The following TBC1D22A variants were observed in gnomAD, a reference collection of about 807,000 sequenced individuals.
TBC1D22A encodes the protein TBC1 domain family member 22A.
A neutral mutation model predicts 60.2 loss-of-function variants in TBC1D22A; 38 were observed. The ratio of observed to expected loss-of-function variants is 0.63; its 90% CI spans 0.49 to 0.83. The LOEUF is 0.83. Ranked by LOEUF, TBC1D22A falls within the 40% of genes least tolerant of loss-of-function variation. TBC1D22A has a pLI of 0.00. For missense variants in TBC1D22A, 628 were observed against 701.0 expected, an observed-to-expected ratio of 0.90 and a Z score of 1.18; for synonymous variants, 302 against 281.7, an observed-to-expected ratio of 1.07 and a Z score of -0.72.
intron 11 of TBC1D22A, among the ~76,000 whole-genome samples, chr22:47,040,237 G>A (rs547953828): frequency 4.6e-5 from 7 of 152,212 alleles, no homozygotes; most frequent in East Asian, 1.9e-4. Flanking sequence ...GAGCCACCAC[G>A]CCTGGCCGGT....
chr22:47,139,007 C>T (rs1418768261), intron 12 of TBC1D22A, among the ~76,000 whole-genome samples: 1 of 152,206 alleles, frequency 6.6e-6, no homozygotes, highest in African/African-American at 2.4e-5. Flanking sequence ...AGCCGTAGCA[C>T]GTTATTTGGC....
rs570751261 is a variant in TBC1D22A at position 47,039,935 on chromosome 22, C to CTTTTTTTTT, written c.1329+2756_1329+2764dup. Among the ~76,000 whole-genome samples the CTTTTTTTTT allele has an allele frequency of 1.7e-3, 130 of 77,292 alleles. 15 individuals carry two copies. Among genetic ancestry groups the CTTTTTTTTT allele is most frequent in the African/African-American group, 7.8e-3 (124 of 15,930 alleles). The allele number at this position is 77,292 out of a possible 152,430, so 50.7% of individuals were successfully genotyped here. A position where few individuals can be genotyped will look rare whatever the true frequency, so the allele number is the denominator to read the frequency against. On this transcript the variant is annotated intron_variant, in intron 11 of 12. Coordinates refer to ENST00000337137, the MANE Select transcript of TBC1D22A (RefSeq NM_014346.5). ...CAAGGCGTCGGGGAGGTGCCACAGC[C>CTTTTTTTTT]TTTTTTTTTTTTTTTTTTTTTTTTT...
chr22:47,075,371 A>T lies in TBC1D22A; in HGVS notation c.1330-36137A>T, dbSNP rs921723284. The stretch of plus-strand genomic sequence containing the variant: ...CACATGATCCTGAGAACTCCCAGAG[A>T]TGCTGATAGAGCATCAAAAACAGAC... On this transcript the variant is annotated intron_variant, in intron 11 of 12. Coordinates refer to ENST00000337137, the MANE Select transcript of TBC1D22A (RefSeq NM_014346.5). Among the ~76,000 whole-genome samples, 8 of 152,098 alleles carry T rather than the reference A, an allele frequency of 5.3e-5. No homozygotes were observed. In the South Asian group the frequency reaches 6.2e-4, roughly 12 times the overall value.
At chr22:46,778,859 C>T (rs1030621176) in intron 1 of TBC1D22A, among the ~76,000 whole-genome samples, 3 of 152,136 alleles carry the variant, frequency 2.0e-5, no homozygotes, top group African/African-American at 7.2e-5. Flanking sequence ...GCCTGGCCAA[C>T]ATGGTGAAAC....
At chr22:47,053,871 C>G (rs1370088218) in intron 11 of TBC1D22A, among the ~76,000 whole-genome samples, 1 of 152,192 alleles carries the variant, frequency 6.6e-6, no homozygotes, top group African/African-American at 2.4e-5. Flanking sequence ...TGAGCCTCAC[C>G]CCAAGCCATC....
At chr22:47,149,137 G>A (rs1004623124) in intron 12 of TBC1D22A, among the ~76,000 whole-genome samples, 1 of 152,158 alleles carries the variant, frequency 6.6e-6, no homozygotes, top group South Asian at 2.1e-4. Flanking sequence ...CAGTCCCCTG[G>A]GGCTGGGGTC....
At chr22:47,073,568 T>C (rs2064088748) in intron 11 of TBC1D22A, among the ~76,000 whole-genome samples, 1 of 151,976 alleles carries the variant, frequency 6.6e-6, no homozygotes, top group Admixed American at 6.6e-5. Context: ...GAAATAAAAA[T>C]TTAAAAAAAC....
intron 1 of TBC1D22A, among the ~76,000 whole-genome samples, chr22:46,770,655 C>T (rs955052537): frequency 6.6e-6 from 1 of 152,202 alleles, no homozygotes; most frequent in Non-Finnish European, 1.5e-5. Flanking sequence ...GAAGTCAGCT[C>T]GGAGGGTTCT....
chr22:47,084,088 A>G (rs2064582477), intron 11 of TBC1D22A, among the ~76,000 whole-genome samples: 3 of 152,374 alleles, frequency 2.0e-5, no homozygotes, highest in South Asian at 4.1e-4. Flanking sequence ...TGCATTCTCT[A>G]CGATCCAGGT....
intron 4 of TBC1D22A, among the ~76,000 whole-genome samples, chr22:46,857,770 G>T (rs891887794): frequency 6.6e-6 from 1 of 151,840 alleles, no homozygotes; most frequent in Non-Finnish European, 1.5e-5. Context: ...CCGTTCCCTC[G>T]CATGGTGCTG....
At chr22:47,076,380 T>C (rs567080807) in intron 11 of TBC1D22A, among the ~76,000 whole-genome samples, 1,432 of 124,484 alleles carry the variant, frequency 0.012, 22 homozygotes, top group African/African-American at 0.026. Flanking sequence ...TATATATATA[T>C]ACACACACAC....
At chr22:46,918,694 T>C (rs2070543620) in intron 8 of TBC1D22A, among the ~76,000 whole-genome samples, 1 of 152,198 alleles carries the variant, frequency 6.6e-6, no homozygotes, top group Non-Finnish European at 1.5e-5. Context: ...CTGCCAAATC[T>C]GGCTGAAGAA....
intron 4 of TBC1D22A, among the ~76,000 whole-genome samples, chr22:46,837,998 T>C (rs1228660047): frequency 2.0e-5 from 3 of 152,214 alleles, no homozygotes; most frequent in Non-Finnish European, 4.4e-5. Context: ...AGGCGGAGGT[T>C]GCAGTGAGCC....
intron 4 of TBC1D22A, among the ~76,000 whole-genome samples, chr22:46,822,569 A>C (rs139589): frequency 0.41 from 62,706 of 151,840 alleles, 13,182 homozygotes; most frequent in African/African-American, 0.5. Flanking sequence ...TCCCATGCCT[A>C]GAGATGTCAC....
intron 10 of TBC1D22A, among the ~76,000 whole-genome samples, chr22:47,027,491 C>CT (rs1034833467): frequency 1.3e-5 from 2 of 152,132 alleles, no homozygotes; most frequent in African/African-American, 4.8e-5. Flanking sequence ...CCTTCCCACC[C>CT]TTTTCCCCTG....
chr22:47,019,716 C>T lies in TBC1D22A; in HGVS notation c.1202-17355C>T, dbSNP rs576460142. On this transcript the variant is annotated intron_variant, in intron 10 of 12. Transcript: ENST00000337137. ...GACGTGGTTTGGAAAGTGCTTTTCC[C>T]GGAAGGTATGCTAGGATGATCCATC... 5.9e-5 allele frequency among the ~76,000 whole-genome samples: 9 copies of T among 152,118 alleles called. 1 individual carries two copies. In the East Asian group the frequency reaches 1.5e-3, roughly 26 times the overall value.
chr22:46,902,998 G>A (rs1231129471), intron 7 of TBC1D22A, among the ~76,000 whole-genome samples: 3 of 152,248 alleles, frequency 2.0e-5, no homozygotes, highest in South Asian at 2.1e-4. Flanking sequence ...AGCGTATGGG[G>A]CAGTCCACTC....
At chr22:46,956,328 G>A (rs2073187999) in intron 8 of TBC1D22A, among the ~76,000 whole-genome samples, 1 of 152,222 alleles carries the variant, frequency 6.6e-6, no homozygotes, top group Admixed American at 6.5e-5. Context: ...GCTCACGCCT[G>A]TAATCCCAGC....
rs2062356369 is a variant in TBC1D22A, at chr22:47,028,850, G to A, written c.1202-8221G>A. 6.6e-6 allele frequency among the ~76,000 whole-genome samples: 1 copy of A among 152,194 alleles called. No individual in the cohort carries two copies. The highest frequency in any genetic ancestry group is 2.1e-4 in the South Asian group (1 of 4,834). On this transcript the variant is annotated intron_variant, in intron 10 of 12. Transcript: ENST00000337137. This position sits in a 1 kb window ranked among gnomAD's most constrained non-coding sequence, Gnocchi z 4.4. ...GGGAGCATTCTGTTTGTCCCCAAAT[G>A]TGGGACACCACCGCACGATCCTGAC...
Sources: gnomAD v4.1 joint callset for allele counts (sites outside exome capture counted in the v4.1 genomes callset) on GRCh38, gnomAD v4.1.1 for gene constraint, Gnocchi (gnomAD v3.1) non-coding constraint, MANE v1.5 for transcripts, NCBI Gene and HGNC (gene_info 2026-07-23, HGNC 2026-07-21) for gene names.